PPP2R1A: variants seen among roughly 807,000 people sequenced by gnomAD.
PPP2R1A encodes the protein protein phosphatase 2 scaffold subunit Aalpha.
PPP2R1A carries 15 observed loss-of-function variants against 67.1 expected under a neutral mutation model. That is an observed-to-expected ratio of 0.22 (90% CI 0.15 to 0.34). The LOEUF (loss-of-function observed/expected upper bound fraction) is 0.34. Among genes scored for constraint, PPP2R1A ranks in the 10% least tolerant of loss-of-function variants. The pLI is 1.00. For missense variants in PPP2R1A, 369 were observed against 775.0 expected (o/e 0.48, Z 6.22); for synonymous variants, 337 against 325.0 (o/e 1.04, Z -0.40).
rs1979248029 is a variant in PPP2R1A, at chr19:52,226,148, T to C, written c.*167T>C. On this transcript the variant is annotated 3_prime_UTR_variant, in exon 15 of 15. Coordinates refer to ENST00000322088, the MANE Select transcript of PPP2R1A (RefSeq NM_014225.6). ...CTCCTCTCCCCAGCCTGGGAAGATG[T>C]CTCACTGTCCACCTCCCAACGGGCT... 3.8e-6 allele frequency: 4 copies of C among 1,062,524 alleles called. No homozygotes were observed. The highest frequency in any genetic ancestry group is 2.3e-5 in the Admixed American group (1 of 43,298). 65.8% of individuals were successfully genotyped at this position (1,062,524 alleles called of 1,614,324 possible).
chr19:52,202,870 GTA>G (rs933325147), intron 2 of PPP2R1A, among the ~76,000 whole-genome samples: 3 of 152,334 alleles, frequency 2.0e-5, no homozygotes, highest in African/African-American at 7.2e-5. Context: ...TTATAACACT[GTA>G]TAGTACGTGC....
In PPP2R1A at chr19:52,222,261, C is replaced by G; in HGVS notation, c.1661+20C>G. The G allele has an allele frequency of 6.2e-7, 1 of 1,608,258 alleles. No homozygotes were observed. Among genetic ancestry groups the G allele is most frequent in the Non-Finnish European group, 8.5e-7 (1 of 1,176,526 alleles). On this transcript the variant is annotated intron_variant, in intron 13 of 14. Transcript: ENST00000322088. ...CAACAGGTGAGGTCTGGATACTCCC[C>G]CACACACTGGCAGGGGCTTCTTGTG...
intron 13 of PPP2R1A, among the ~76,000 whole-genome samples, chr19:52,222,948 T>C (rs113661346): frequency 6.6e-6 from 1 of 152,272 alleles, no homozygotes; most frequent in Admixed American, 6.5e-5. Flanking sequence ...AGATTCAGTA[T>C]AAGCCCAATA....
At chr19:52,225,830 G>A (rs1402223466) in intron 14 of PPP2R1A, 22 bp downstream of exon 14, 6 of 1,612,514 alleles carry the variant, frequency 3.7e-6, no homozygotes, top group Non-Finnish European at 5.1e-6. Flanking sequence ...AAAGCACGGA[G>A]CCCTAGCAGG....
chr19:52,208,788 C>T (rs764147395), intron 3 of PPP2R1A, among the ~76,000 whole-genome samples: 3 of 152,204 alleles, frequency 2.0e-5, no homozygotes, highest in African/African-American at 7.2e-5. Flanking sequence ...CGTGAGCCAC[C>T]GCATCCGGCC....
chr19:52,217,760 G>C (rs1217617533), intron 9 of PPP2R1A, among the ~76,000 whole-genome samples: 1 of 152,100 alleles, frequency 6.6e-6, no homozygotes, highest in South Asian at 2.1e-4. Context: ...TTGGCCAGGA[G>C]GGTCACGTGA....
intron 3 of PPP2R1A, among the ~76,000 whole-genome samples, chr19:52,208,951 T>C (rs1414276949): frequency 6.6e-6 from 1 of 152,174 alleles, no homozygotes; most frequent in Non-Finnish European, 1.5e-5. Flanking sequence ...CCCCCAGACT[T>C]CACAGAGAGG....
intron 1 of PPP2R1A, among the ~76,000 whole-genome samples, chr19:52,199,718 A>G (rs982434304): frequency 5.3e-5 from 8 of 152,230 alleles, no homozygotes; most frequent in African/African-American, 1.9e-4. Context: ...GGCAATGTAT[A>G]GAATAAGTTT....
intron 6 of PPP2R1A, among the ~76,000 whole-genome samples, chr19:52,215,086 C>T (rs1442845691): frequency 6.6e-6 from 1 of 152,164 alleles, no homozygotes; most frequent in Non-Finnish European, 1.5e-5. Context: ...GACAGGGTCT[C>T]ACACCATCAC....
At position 52,208,215 on chromosome 19, in the gene PPP2R1A, C is replaced by T. The variant is rs1040969340; in HGVS notation, c.270+2152C>T. ...TGGAGTTTCACTCTTGCTGCACAGG[C>T]TGGAGTGCAGTGGCGGGATCTCGGC... On this transcript the variant is annotated intron_variant, in intron 3 of 14. Coordinates refer to ENST00000322088, the MANE Select transcript of PPP2R1A (RefSeq NM_014225.6). 2.6e-5 allele frequency among the ~76,000 whole-genome samples: 4 copies of T among 152,198 alleles called. No homozygotes were observed. The South Asian group carries it at 8.3e-4, about 32-fold the overall frequency.
Position 52,212,947 on chromosome 19 carries a change from C to T in PPP2R1A, c.652-8C>T, listed in dbSNP as rs997647244. On this transcript the variant is annotated splice_polypyrimidine_tract_variant and splice_region_variant and intron_variant, in intron 5 of 14. Coordinates refer to ENST00000322088, the MANE Select transcript of PPP2R1A (RefSeq NM_014225.6). This position sits in a 1 kb window ranked among gnomAD's most constrained non-coding sequence, Gnocchi z 4.1. Reference sequence around the variant, plus strand: ...GCTGCCCTCCCACTGTTCCTCTCCTCTCCCTAGGACTCGGTGCGGCTGCTG... The same window carrying T: ...GCTGCCCTCCCACTGTTCCTCTCCTTTCCCTAGGACTCGGTGCGGCTGCTG... 1 of 1,583,506 alleles carries T rather than the reference C, an allele frequency of 6.3e-7. No individual in the cohort carries two copies. The highest frequency in any genetic ancestry group is 1.2e-5 in the South Asian group (1 of 85,760).
chr19:52,214,933 C>T (rs1275371387), intron 6 of PPP2R1A, among the ~76,000 whole-genome samples: 6 of 152,146 alleles, frequency 3.9e-5, no homozygotes, highest in Non-Finnish European at 1.5e-5. Context: ...ACCATGTTGG[C>T]CAGGCTGGTC....
intron 3 of PPP2R1A, among the ~76,000 whole-genome samples, chr19:52,207,991 A>G (rs2122318786): frequency 6.6e-6 from 1 of 152,306 alleles, no homozygotes; most frequent in African/African-American, 2.4e-5. Context: ...GACAGGTTAT[A>G]AGAAATAGAA....
At chr19:52,208,194 G>A (rs1188711227) in intron 3 of PPP2R1A, among the ~76,000 whole-genome samples, 1 of 152,150 alleles carries the variant, frequency 6.6e-6, no homozygotes, top group East Asian at 1.9e-4. Flanking sequence ...CCGAGATGGA[G>A]TTTCACTCTT....
At chr19:52,202,965 A>G (rs1203040778) in intron 2 of PPP2R1A, among the ~76,000 whole-genome samples, 3 of 152,260 alleles carry the variant, frequency 2.0e-5, no homozygotes, top group Non-Finnish European at 4.4e-5. Flanking sequence ...ACTGTCTGAC[A>G]CAGACTGGAC....
intron 1 of PPP2R1A, among the ~76,000 whole-genome samples, chr19:52,199,223 G>A (rs1375669173): frequency 6.6e-6 from 1 of 152,024 alleles, no homozygotes; most frequent in Non-Finnish European, 1.5e-5. Flanking sequence ...CTGGAGTGCA[G>A]TGGCACCATC....
chr19:52,192,108 A>T (rs1003693624), intron 1 of PPP2R1A, among the ~76,000 whole-genome samples: 31 of 152,212 alleles, frequency 2.0e-4, no homozygotes, highest in African/African-American at 6.7e-4. Context: ...TGGTCAGGGG[A>T]GGCCTTGTTG....
In PPP2R1A at chr19:52,219,992, G is replaced by A; in HGVS notation, c.1302+128G>A. The A allele has an allele frequency of 7.6e-7, 1 of 1,309,340 alleles. No homozygotes were observed. The highest frequency in any genetic ancestry group is 1.5e-5 in the African/African-American group (1 of 67,568). The allele number at this position is 1,309,340 out of a possible 1,614,324, so 81.1% of individuals were successfully genotyped here. ...TGTGACAACTGCCTGGGGAGTCGAA[G>A]GAAGGGACCCAGGAAATAGGGCCTT... On this transcript the variant is annotated intron_variant, in intron 10 of 14. Transcript: ENST00000322088. The surrounding 1 kb of genome is among the most constrained non-coding windows in gnomAD (Gnocchi z 4.0).
Position 52,206,178 on chromosome 19 carries a change from C to T in PPP2R1A, c.270+115C>T, listed in dbSNP as rs1454763963. 3 of 846,192 alleles carry T rather than the reference C, an allele frequency of 3.5e-6. No homozygotes were observed. In the African/African-American group the frequency reaches 5.1e-5, roughly 14 times the overall value. 52.4% of individuals were successfully genotyped at this position (846,192 alleles called of 1,614,324 possible). A position where few individuals can be genotyped will look rare whatever the true frequency, so the allele number is the denominator to read the frequency against. ...GAGCGTGGGGATCACGTCAGAACAG[C>T]CGGGCCATGGACATCCGCTTTAATC... is the stretch of plus-strand genomic sequence containing the variant. On this transcript the variant is annotated intron_variant, in intron 3 of 14. Coordinates refer to ENST00000322088, the MANE Select transcript of PPP2R1A (RefSeq NM_014225.6).
Sources: allele counts gnomAD v4.1 joint callset (sites outside exome capture counted in the v4.1 genomes callset), GRCh38; gene constraint gnomAD v4.1.1; non-coding constraint Gnocchi (gnomAD v3.1); transcripts MANE v1.5; gene names NCBI Gene and HGNC (gene_info 2026-07-23, HGNC 2026-07-21).